PTPRT: variants seen among roughly 807,000 people sequenced by gnomAD.
The protein encoded by PTPRT is protein tyrosine phosphatase receptor type T.
A neutral mutation model predicts 176.8 loss-of-function variants in PTPRT; 56 were observed. That is an observed-to-expected ratio of 0.32 (90% CI 0.26 to 0.40). PTPRT has a LOEUF of 0.40. Among genes scored for constraint, PTPRT ranks in the 10% least tolerant of loss-of-function variants. The probability of loss-of-function intolerance (pLI) is 1.00; values close to 1 mark genes in which losing one functional copy is unlikely to be tolerated. For synonymous variants in PTPRT, 783 were observed against 739.0 expected (o/e 1.06, Z -0.96); for missense variants, 1,540 against 1,908.2 (o/e 0.81, Z 3.60).
intron 16 of PTPRT, among the ~76,000 whole-genome samples, chr20:42,170,801 G>A (rs187099201): frequency 1.3e-5 from 2 of 152,286 alleles, no homozygotes; most frequent in African/African-American, 4.8e-5. Context: ...AGCACATTAT[G>A]TGTCCTTTCT....
At chr20:42,116,055 G>A (rs768256114) in intron 21 of PTPRT, 22 of 724,966 alleles carry the variant, frequency 3.0e-5, no homozygotes, top group Non-Finnish European at 4.4e-5. Context: ...GGGGGACGCC[G>A]CACGGCCTAG....
intron 9 of PTPRT, among the ~76,000 whole-genome samples, chr20:42,355,799 GACACTGGGAGGTAAA>G (rs1320309780): frequency 6.6e-6 from 1 of 152,130 alleles, no homozygotes; most frequent in Non-Finnish European, 1.5e-5. Context: ...TTGATATACA[GACACTGGGAGGTAAA>G]ACTCATGCCT....
At chr20:42,931,383 C>T (rs886835938) in intron 1 of PTPRT, among the ~76,000 whole-genome samples, 5 of 152,334 alleles carry the variant, frequency 3.3e-5, no homozygotes, top group African/African-American at 1.2e-4. Context: ...AGAGAGAAAA[C>T]TGGCCAGAAC....
At chr20:42,441,086 C>G in intron 9 of PTPRT, among the ~76,000 whole-genome samples, 1 of 152,210 alleles carries the variant, frequency 6.6e-6, no homozygotes, top group East Asian at 1.9e-4. Flanking sequence ...GTGGTCCAGC[C>G]AAGTTGACAC....
rs550761003 is a variant in PTPRT at position 42,859,573 on chromosome 20, A to AT, written c.214+26233dup. 4.7e-3 allele frequency among the ~76,000 whole-genome samples: 625 copies of AT among 132,796 alleles called. 3 individuals carry two copies. Among genetic ancestry groups the AT allele is most frequent in the African/African-American group, 0.016 (547 of 34,948 alleles). 87.1% of individuals were successfully genotyped at this position (132,796 alleles called of 152,430 possible). A position where few individuals can be genotyped will look rare whatever the true frequency, so the allele number is the denominator to read the frequency against. On this transcript the variant is annotated intron_variant, in intron 2 of 30. Transcript: ENST00000373187. ...GCACATATCTGAGCTCAGTTTGTTTATTTTTTTTTTTAATTTTTTTTTTTT... is the reference window on the plus strand; with the variant it reads ...GCACATATCTGAGCTCAGTTTGTTTATTTTTTTTTTTTAATTTTTTTTTTTT...
chr20:42,975,293 G>A (rs953841671), intron 1 of PTPRT, among the ~76,000 whole-genome samples: 3 of 151,788 alleles, frequency 2.0e-5, no homozygotes, highest in African/African-American at 4.8e-5. Flanking sequence ...TGGTTACATG[G>A]AAAAAAAGGC....
At chr20:42,508,983 A>T (rs902130312) in intron 7 of PTPRT, among the ~76,000 whole-genome samples, 4 of 131,636 alleles carry the variant, frequency 3.0e-5, no homozygotes, top group Non-Finnish European at 6.3e-5. Context: ...TATATAATTT[A>T]TATTTAATTT....
At chr20:42,528,974 C>T (rs747017795) in intron 7 of PTPRT, among the ~76,000 whole-genome samples, 2 of 152,186 alleles carry the variant, frequency 1.3e-5, no homozygotes, top group Non-Finnish European at 2.9e-5. Context: ...TCTCTATGAC[C>T]GTGTCAACTA....
intron 9 of PTPRT, among the ~76,000 whole-genome samples, chr20:42,401,272 C>G (rs535374351): frequency 9.2e-5 from 14 of 152,058 alleles, no homozygotes; most frequent in Non-Finnish European, 1.8e-4. Context: ...CCTCACTCTC[C>G]ACCATCTCTT....
At chr20:42,513,895 C>A (rs1168507197) in intron 7 of PTPRT, among the ~76,000 whole-genome samples, 1 of 151,982 alleles carries the variant, frequency 6.6e-6, no homozygotes, top group African/African-American at 2.4e-5. Context: ...GAATGCATTC[C>A]GCTCTAATAT....
At chr20:42,377,847 G>T (rs2058665759) in intron 9 of PTPRT, among the ~76,000 whole-genome samples, 1 of 152,226 alleles carries the variant, frequency 6.6e-6, no homozygotes, top group African/African-American at 2.4e-5. Context: ...TGAAGTGGTA[G>T]CATTAGTGCT....
chr20:42,407,262 G>A (rs1407136943), intron 9 of PTPRT, among the ~76,000 whole-genome samples: 2 of 152,192 alleles, frequency 1.3e-5, no homozygotes, highest in Non-Finnish European at 2.9e-5. Flanking sequence ...GGAAGAGTCT[G>A]TAAGAGTTAC....
chr20:42,147,438 A>G (rs1296281609), intron 17 of PTPRT, among the ~76,000 whole-genome samples: 4 of 152,058 alleles, frequency 2.6e-5, no homozygotes, highest in Non-Finnish European at 5.9e-5. Context: ...TTTTGGACAG[A>G]CTCACCAGAG....
intron 19 of PTPRT, among the ~76,000 whole-genome samples, chr20:42,120,420 T>C (rs903128227): frequency 2.0e-5 from 3 of 152,194 alleles, no homozygotes; most frequent in African/African-American, 7.2e-5. Flanking sequence ...GTTGACTTCT[T>C]CCATTAGTAA....
At chr20:42,607,744 T>G (rs1390242554) in intron 7 of PTPRT, among the ~76,000 whole-genome samples, 1 of 152,064 alleles carries the variant, frequency 6.6e-6, no homozygotes. Flanking sequence ...GCGGATTGCA[T>G]GGGGCTGGGA....
At chr20:42,769,113 G>C (rs1401168708) in intron 5 of PTPRT, among the ~76,000 whole-genome samples, 1 of 152,324 alleles carries the variant, frequency 6.6e-6, no homozygotes, top group African/African-American at 2.4e-5. Context: ...AGGTGACGTG[G>C]AGGTTTCTTA....
intron 1 of PTPRT, among the ~76,000 whole-genome samples, chr20:43,145,133 T>C (rs1461658940): frequency 1.3e-5 from 2 of 152,244 alleles, no homozygotes; most frequent in African/African-American, 4.8e-5. Context: ...TTCTGCCCAT[T>C]TATCTGTCTC....
rs149639412 is a variant in PTPRT at position 42,267,257 on chromosome 20, T to C, written c.2176+15232A>G. Among the ~76,000 whole-genome samples, 621 of 152,362 alleles carry C rather than the reference T, an allele frequency of 4.1e-3. 4 individuals carry two copies. The highest frequency in any genetic ancestry group is 5.8e-3 in the Non-Finnish European group (394 of 68,034). On this transcript the variant is annotated intron_variant, in intron 13 of 30. Transcript: ENST00000373187. ...ATGATTTTGCCCAACTTCAGGCTAA[T>C]GTAAGTGTTTTGAGCATGGCACATT...
At chr20:42,035,534 GC>G in the PTPRT span, among the ~76,000 whole-genome samples, 1 of 152,046 alleles carries the variant, frequency 6.6e-6, no homozygotes, top group Non-Finnish European at 1.5e-5. Context: ...CATCCCAACA[GC>G]CCAGCTATTG....
Sources: gnomAD v4.1 joint callset for allele counts (sites outside exome capture counted in the v4.1 genomes callset) on GRCh38, gnomAD v4.1.1 for gene constraint, MANE v1.5 for transcripts, NCBI Gene and HGNC (gene_info 2026-07-23, HGNC 2026-07-21) for gene names.